RNLS: variants seen among roughly 807,000 people sequenced by gnomAD.
RNLS encodes renalase, FAD dependent amine oxidase.
Under a neutral mutation model 39.8 loss-of-function variants are expected in RNLS, and 39 were observed. The observed-to-expected ratio is 0.98, with a 90% confidence interval of 0.76 to 1.28. The LOEUF (loss-of-function observed/expected upper bound fraction) is 1.28, where lower values mean the gene tolerates loss of function less well. Ranked by LOEUF, RNLS falls within the 50% of genes most tolerant of loss-of-function variation. The pLI is 0.00. For synonymous variants in RNLS, 147 were observed against 150.7 expected, an observed-to-expected ratio of 0.98 and a Z score of 0.18; for missense variants, 410 against 413.3, an observed-to-expected ratio of 0.99 and a Z score of 0.07.
intron 4 of RNLS, among the ~76,000 whole-genome samples, chr10:88,379,332 TA>T (rs1851271359): frequency 6.6e-6 from 1 of 152,238 alleles, no homozygotes; most frequent in African/African-American, 2.4e-5. Flanking sequence ...CACATTCTAG[TA>T]AAATGGCCAG....
chr10:88,217,777 C>T, the RNLS span, among the ~76,000 whole-genome samples: 20 of 143,264 alleles, frequency 1.4e-4, no homozygotes, highest in East Asian at 6.1e-4. Flanking sequence ...CAGTGGCTCA[C>T]GCCTGTAATC....
At chr10:88,582,352 C>T (rs575077988) in intron 1 of RNLS, 45 bp from the exon 2 acceptor site, 5 of 1,491,892 alleles carry the variant, frequency 3.4e-6, no homozygotes, top group East Asian at 2.3e-5. Context: ...TGACAATGAG[C>T]CTTAGCAATT....
At position 88,583,035 on chromosome 10, in the gene RNLS, G is replaced by C. The variant is rs1042753712; in HGVS notation, c.118+38C>G. The C allele has an allele frequency of 6.3e-6, 10 of 1,598,530 alleles. No homozygotes were observed. The African/African-American group carries it at 1.4e-4, about 22-fold the overall frequency. On this transcript the variant is annotated intron_variant, in intron 1 of 6. Transcript: ENST00000331772. ...CACCACCTCAGCAGCCTGCCCGGCA[G>C]TCCTCTTTTCCCAGGTTTTGGCGTT... is the stretch of plus-strand genomic sequence containing the variant.
chr10:88,309,421 T>C (rs2133018043), intron 6 of RNLS: 1 of 1,289,812 alleles, frequency 7.8e-7, no homozygotes, highest in Non-Finnish European at 1.0e-6. Context: ...AATGTAAACG[T>C]ACGGGTGGTC....
At chr10:88,575,364 G>A (rs2134463828) in intron 3 of RNLS, among the ~76,000 whole-genome samples, 1 of 151,050 alleles carries the variant, frequency 6.6e-6, no homozygotes, top group Admixed American at 6.6e-5. Context: ...ACATTCCTGG[G>A]CCCCAACCCG....
At chr10:88,508,222 G>A (rs532781426) in intron 4 of RNLS, among the ~76,000 whole-genome samples, 5 of 152,248 alleles carry the variant, frequency 3.3e-5, no homozygotes, top group African/African-American at 7.2e-5. Flanking sequence ...ATTCTGAAGA[G>A]GAACCATAGC....
At chr10:88,408,630 G>A (rs992147452) in intron 4 of RNLS, among the ~76,000 whole-genome samples, 3 of 151,980 alleles carry the variant, frequency 2.0e-5, no homozygotes, top group African/African-American at 7.2e-5. Context: ...AAACCCAAAT[G>A]AACTATTATC....
intron 5 of RNLS, among the ~76,000 whole-genome samples, chr10:88,357,277 C>T (rs971973153): frequency 2.0e-5 from 3 of 152,186 alleles, no homozygotes; most frequent in African/African-American, 4.8e-5. Context: ...AGTTACACAG[C>T]TAGTAAATGG....
intron 5 of RNLS, among the ~76,000 whole-genome samples, chr10:88,332,649 G>A (rs1017133668): frequency 6.6e-6 from 1 of 152,202 alleles, no homozygotes; most frequent in Non-Finnish European, 1.5e-5. Flanking sequence ...AATGAATGTG[G>A]AAATTGTATT....
chr10:88,185,543 A>C, the RNLS span, among the ~76,000 whole-genome samples: 1 of 152,106 alleles, frequency 6.6e-6, no homozygotes, highest in African/African-American at 2.4e-5. Flanking sequence ...CAATCTCCTC[A>C]TCATAGTCTC....
chr10:88,467,101 C>A (rs1225694715), intron 4 of RNLS, among the ~76,000 whole-genome samples: 5 of 152,016 alleles, frequency 3.3e-5, no homozygotes, highest in Non-Finnish European at 1.5e-5. Flanking sequence ...GGAAAGCTCA[C>A]TAGCCTGACG....
chr10:88,201,101 A>G, the RNLS span, among the ~76,000 whole-genome samples: 1 of 151,306 alleles, frequency 6.6e-6, no homozygotes, highest in Non-Finnish European at 1.5e-5. Context: ...TTGTCTGGGT[A>G]TGGAGAGCAG....
chr10:88,353,645 T>G (rs985399920), intron 5 of RNLS, among the ~76,000 whole-genome samples: 2 of 152,198 alleles, frequency 1.3e-5, no homozygotes, highest in Non-Finnish European at 1.5e-5. Flanking sequence ...GTGGTCAATT[T>G]TGGAATAGGT....
chr10:88,307,580 T>C (rs906595943), intron 6 of RNLS, among the ~76,000 whole-genome samples: 2 of 152,102 alleles, frequency 1.3e-5, no homozygotes, highest in African/African-American at 4.8e-5. Context: ...CATTCACAAT[T>C]GCCACAAAAA....
At chr10:88,226,828 A>G in the RNLS span, among the ~76,000 whole-genome samples, 4 of 142,638 alleles carry the variant, frequency 2.8e-5, no homozygotes, top group African/African-American at 1.1e-4. Flanking sequence ...AAAATACCAT[A>G]CTGTTGTCTG....
chr10:88,278,353 T>C (rs1350867960), intron 6 of RNLS, among the ~76,000 whole-genome samples: 2 of 152,222 alleles, frequency 1.3e-5, no homozygotes, highest in East Asian at 3.8e-4. Flanking sequence ...GGTTAAAATA[T>C]ATGGTGCAAG....
intron 4 of RNLS, among the ~76,000 whole-genome samples, chr10:88,560,917 T>TA (rs1186953711): frequency 5.4e-5 from 8 of 148,658 alleles, no homozygotes; most frequent in African/African-American, 2.0e-4. Flanking sequence ...TCTGTAAGCT[T>TA]ATAGTTTGTA....
At chr10:88,580,571 T>A (rs1284805317) in intron 3 of RNLS, among the ~76,000 whole-genome samples, 1 of 152,190 alleles carries the variant, frequency 6.6e-6, no homozygotes, top group African/African-American at 2.4e-5. Flanking sequence ...TTAAAAATAA[T>A]CATCAATTAT....
At chr10:88,332,716 A>T (rs1847203464) in intron 5 of RNLS, among the ~76,000 whole-genome samples, 2 of 152,232 alleles carry the variant, frequency 1.3e-5, no homozygotes, top group South Asian at 4.1e-4. Context: ...TTTACAGGTT[A>T]ACTATCTATT....
Sources: gnomAD v4.1 joint callset for allele counts (sites outside exome capture counted in the v4.1 genomes callset) on GRCh38, gnomAD v4.1.1 for gene constraint, MANE v1.5 for transcripts, NCBI Gene and HGNC (gene_info 2026-07-23, HGNC 2026-07-21) for gene names.